SZT2: variants seen among roughly 807,000 people sequenced by gnomAD.
SZT2 encodes SZT2 subunit of KICSTOR complex.
A neutral mutation model predicts 404.2 loss-of-function variants in SZT2; 216 were observed. That is an observed-to-expected ratio of 0.53 (90% CI 0.48 to 0.60). The LOEUF (loss-of-function observed/expected upper bound fraction) is 0.60, where lower values mean the gene tolerates loss of function less well. Ranked by LOEUF, SZT2 falls within the 20% of genes least tolerant of loss-of-function variation. The pLI is 0.00. For missense variants in SZT2, 3,857 were observed against 4,459.2 expected (o/e 0.86, Z 3.85); for synonymous variants, 1,693 against 1,749.9 (o/e 0.97, Z 0.81).
Position 43,428,354 on chromosome 1 carries a change from C to A in SZT2, c.4034C>A (p.Ala1345Glu), listed in dbSNP as rs1026710468. ...ATAGACATCACCCCATTTCTCCTTG[C>A]ATTGTGTGGCCACACTTGGGGTTTG... ...QEIDITPFLL[A>E]LCGHTWGLPH... Residue 1345 changes from alanine (A) to glutamate (E), a missense_variant, in exon 28 of 72, where the codon GCA (alanine) becomes GAA (glutamate). Ala to Glu is a moderately radical substitution (Grantham distance 107). Transcript: ENST00000634258. 6.8e-6 allele frequency: 11 copies of A among 1,614,060 alleles called. No individual in the cohort carries two copies. In the African/African-American group the frequency reaches 1.1e-4, roughly 16 times the overall value.
chr1:43,395,747 G>A (rs918192384), intron 1 of SZT2, among the ~76,000 whole-genome samples: 2 of 152,216 alleles, frequency 1.3e-5, no homozygotes, highest in African/African-American at 4.8e-5. Flanking sequence ...GCATGTGTTT[G>A]CTTTTCATTG....
intron 63 of SZT2, 78 bp from the exon 64 acceptor site, chr1:43,446,101 C>G: frequency 6.3e-7 from 1 of 1,591,264 alleles, no homozygotes; most frequent in Non-Finnish European, 8.6e-7. Context: ...CCATTAAAGT[C>G]AGGGTCCAAG....
intron 41 of SZT2, 113 bp from the exon 42 acceptor site, chr1:43,435,087 C>A: frequency 7.8e-7 from 1 of 1,288,468 alleles, no homozygotes; most frequent in Non-Finnish European, 1.1e-6. Flanking sequence ...TCTTGTTGAC[C>A]TCCAATCCCC....
At position 43,447,149 on chromosome 1, in the gene SZT2, C is replaced by A; in HGVS notation, c.9267C>A (p.Gly3089=). 1 of 1,612,656 alleles carries A rather than the reference C, an allele frequency of 6.2e-7. No individual in the cohort carries two copies. Among genetic ancestry groups the A allele is most frequent in the Non-Finnish European group, 8.5e-7 (1 of 1,179,782 alleles). ...LAHHPDGPHF[G]RNHIYQGTLE... The stretch of plus-strand genomic sequence containing the variant: ...ACCACCCTGACGGACCCCACTTTGG[C>A]CGCAATCACATTTACCAAGGTCAGT... The change falls in exon 66 of 72, where the codon GGC becomes GGA. Residue 3089 remains glycine, a synonymous_variant. Transcript: ENST00000634258.
At position 43,426,617 on chromosome 1, in the gene SZT2, T is replaced by C; in HGVS notation, c.3214+79T>C. ...ACCCTCACAGGGTGATTTCTGTCTTTGAGTTTTGGCTTTCCCCTTCCTCCC... is the reference window on the plus strand; with the variant it reads ...ACCCTCACAGGGTGATTTCTGTCTTCGAGTTTTGGCTTTCCCCTTCCTCCC... On this transcript the variant is annotated intron_variant, in intron 22 of 71. Transcript: ENST00000634258. This position sits in a 1 kb window ranked among gnomAD's most constrained non-coding sequence, Gnocchi z 4.9. 6.6e-7 allele frequency: 1 copy of C among 1,515,488 alleles called. No homozygotes were observed. Among genetic ancestry groups the C allele is most frequent in the Non-Finnish European group, 8.9e-7 (1 of 1,125,614 alleles). 93.9% of individuals were successfully genotyped at this position (1,515,488 alleles called of 1,614,324 possible). A position where few individuals can be genotyped will look rare whatever the true frequency, so the allele number is the denominator to read the frequency against.
At chr1:43,431,955 G>A (rs1653943921) in intron 36 of SZT2, 54 bp downstream of exon 36, 3 of 1,600,404 alleles carry the variant, frequency 1.9e-6, no homozygotes, top group East Asian at 4.5e-5. Flanking sequence ...CCTTCCCTGG[G>A]CCCCAGGCAC....
intron 11 of SZT2, among the ~76,000 whole-genome samples, chr1:43,421,575 C>T (rs1026521800): frequency 1.8e-4 from 28 of 152,210 alleles, no homozygotes; most frequent in African/African-American, 5.8e-4. Context: ...CCCAGCAGAC[C>T]GTGAGCCCTT....
At position 43,431,075 on chromosome 1, in the gene SZT2, A is replaced by T. The variant is rs1653810181; in HGVS notation, c.4901A>T (p.Asp1634Val). ...PLEVELPTAS[D>V]PQHHRSTSES... ...GAAGTGGAGCTCCCCACGGCCTCGG[A>T]CCCTCAGCACCACCGGTGTGGCAGC... Residue 1634 changes from aspartate to valine, a missense_variant, in exon 33 of 72, where the codon GAC (aspartate) becomes GTC (valine). By Grantham distance (152) the Asp-to-Val change is radical (BLOSUM62 -3). Around this residue, in one of 7 missense-constraint regions of SZT2, gnomAD observed 1,725 missense variants for 1,881.0 expected, o/e 0.92. Transcript: ENST00000634258. 1 of 1,613,196 alleles carries T rather than the reference A, an allele frequency of 6.2e-7. No individual in the cohort carries two copies.
Position 43,425,015 on chromosome 1 carries a change from A to G in SZT2, c.2551-98A>G, listed in dbSNP as rs955247396. 31 of 1,555,538 alleles carry G rather than the reference A, an allele frequency of 2.0e-5. No homozygotes were observed. Among genetic ancestry groups the G allele is most frequent in the African/African-American group, 4.1e-5 (3 of 73,902 alleles). On this transcript the variant is annotated intron_variant, in intron 17 of 71. Coordinates refer to ENST00000634258, the MANE Select transcript of SZT2 (RefSeq NM_001365999.1). The surrounding 1 kb of genome is among the most constrained non-coding windows in gnomAD (Gnocchi z 4.3). ...GGTCTGAGGCTGCAGTCATAGGACA[A>G]TTTGGTGAGGGAACTGAAATTCTGA...
rs756611351 is a variant in SZT2 at position 43,443,609 on chromosome 1, CCT to C, written c.8639_8640del (p.Pro2880ArgfsTer14). 1 of 1,614,184 alleles carries C rather than the reference CCT, an allele frequency of 6.2e-7. No homozygotes were observed. The highest frequency in any genetic ancestry group is 8.5e-7 in the Non-Finnish European group (1 of 1,180,036). ...TTTACTCTCATAGCGGCGCCATCGCCCTGAGTCAGGGTCTGGGAGCCGAGAGG... is the reference window on the plus strand; with the variant it reads ...TTTACTCTCATAGCGGCGCCATCGCCGAGTCAGGGTCTGGGAGCCGAGAGG... The part of the protein sequence containing the change: ...GPPDGQRRHR[P>X]ESGSGSREAP... On this transcript the variant is annotated frameshift_variant, in exon 62 of 72. Coordinates refer to ENST00000634258, the MANE Select transcript of SZT2 (RefSeq NM_001365999.1). LOFTEE classifies it high-confidence loss of function.
intron 1 of SZT2, among the ~76,000 whole-genome samples, chr1:43,399,044 C>T (rs1649341959): frequency 6.6e-6 from 1 of 151,840 alleles, no homozygotes. Context: ...TGCGCCACTA[C>T]ACTCCAGCCT....
At chr1:43,391,587 A>G (rs989064069) in intron 1 of SZT2, among the ~76,000 whole-genome samples, 1 of 152,090 alleles carries the variant, frequency 6.6e-6, no homozygotes, top group Non-Finnish European at 1.5e-5. Flanking sequence ...ATCAATCAAG[A>G]TCAATCAGAA....
rs2153933178 is a variant in SZT2, at chr1:43,426,164, G to A, written c.3043+13G>A. 1 of 1,613,106 alleles carries A rather than the reference G, an allele frequency of 6.2e-7. No individual in the cohort carries two copies. The highest frequency in any genetic ancestry group is 1.7e-5 in the Admixed American group (1 of 59,978). On this transcript the variant is annotated intron_variant, in intron 21 of 71. Transcript: ENST00000634258. The surrounding 1 kb of genome is among the most constrained non-coding windows in gnomAD (Gnocchi z 4.9). ...TTGCTTGCCAGAGGTAGGTGAACCT[G>A]GTACCCTTTCACCCCACACCTAAAG... is the stretch of plus-strand genomic sequence containing the variant.
intron 4 of SZT2, among the ~76,000 whole-genome samples, chr1:43,413,323 A>G (rs760259384): frequency 2.0e-5 from 3 of 152,220 alleles, no homozygotes; most frequent in African/African-American, 4.8e-5. Flanking sequence ...CAGAGATTGC[A>G]GTGAGCCGAG....
At chr1:43,413,287 G>T (rs1412041145) in intron 4 of SZT2, among the ~76,000 whole-genome samples, 2 of 152,180 alleles carry the variant, frequency 1.3e-5, no homozygotes, top group African/African-American at 2.4e-5. Context: ...GGAGCCTGAG[G>T]CAGAGAATTG....
At chr1:43,394,728 A>G (rs969287098) in intron 1 of SZT2, among the ~76,000 whole-genome samples, 1 of 151,946 alleles carries the variant, frequency 6.6e-6, no homozygotes, top group African/African-American at 2.4e-5. Context: ...AAAATACAAA[A>G]TTAGCCGGGC....
Position 43,441,639 on chromosome 1 carries a change from GCCTGGTCTCCAT to G in SZT2, c.7610-42_7610-31del. ...CCTCCCCTCCCATCCCTCAACCCCA[GCCTGGTCTCCAT>G]CCTGCAGCTCCACAGTGACTCCTCT... On this transcript the variant is annotated intron_variant, in intron 54 of 71. Coordinates refer to ENST00000634258, the MANE Select transcript of SZT2 (RefSeq NM_001365999.1). The surrounding 1 kb of genome is among the most constrained non-coding windows in gnomAD (Gnocchi z 4.8). 1.2e-6 allele frequency: 2 copies of G among 1,613,966 alleles called. No homozygotes were observed. The highest frequency in any genetic ancestry group is 1.1e-5 in the South Asian group (1 of 91,044).
intron 62 of SZT2, chr1:43,445,475 A>G: frequency 3.9e-6 from 1 of 258,568 alleles, no homozygotes; most frequent in South Asian, 4.2e-5. Context: ...AGGCCTCTGA[A>G]AGCCTGGAAC....
Position 43,428,174 on chromosome 1 carries a change from T to G in SZT2, c.3919+56T>G. On this transcript the variant is annotated intron_variant, in intron 27 of 71. Transcript: ENST00000634258. Reference sequence around the variant, plus strand: ...GGGGCCCTGCGGGAGATACAGGGATTACAGGGTGGGGACTGGAGAGGCCAT... The same window carrying G: ...GGGGCCCTGCGGGAGATACAGGGATGACAGGGTGGGGACTGGAGAGGCCAT... 3 of 1,611,878 alleles carry G rather than the reference T, an allele frequency of 1.9e-6. No homozygotes were observed. In the South Asian group the frequency reaches 3.3e-5, roughly 18 times the overall value.
Sources: allele counts gnomAD v4.1 joint callset (sites outside exome capture counted in the v4.1 genomes callset), GRCh38; gene constraint gnomAD v4.1.1; regional missense constraint gnomAD v4.1.1; non-coding constraint Gnocchi (gnomAD v3.1); transcripts MANE v1.5; gene names NCBI Gene and HGNC (gene_info 2026-07-23, HGNC 2026-07-21).